MYH9: variants seen among roughly 807,000 people sequenced by gnomAD.
MYH9 encodes the protein myosin heavy chain 9.
In MYH9, 29 loss-of-function variants were observed where a neutral mutation model predicts 241.9. That is an observed-to-expected ratio of 0.12 (90% CI 0.09 to 0.16). The LOEUF is 0.16. Ranked by LOEUF, MYH9 falls within the 10% of genes least tolerant of loss-of-function variation. The pLI is 1.00. For synonymous variants in MYH9, 1,047 were observed against 1,062.6 expected, an observed-to-expected ratio of 0.99 and a Z score of 0.29; for missense variants, 1,803 against 2,595.5, an observed-to-expected ratio of 0.69 and a Z score of 6.63.
In MYH9 at chr22:36,319,520, C is replaced by G. The variant is rs774035987; in HGVS notation, c.1108+20G>C. On this transcript the variant is annotated intron_variant, in intron 10 of 40. Transcript: ENST00000216181. The stretch of plus-strand genomic sequence containing the variant: ...CAAGCACCTGCCCCATTATTTCCAG[C>G]GAGAGGCCCCGGGTGTTACCTGTGT... The G allele has an allele frequency of 4.3e-6, 7 of 1,612,472 alleles. No homozygotes were observed. The African/African-American group carries it at 5.3e-5, about 12-fold the overall frequency.
At chr22:36,312,435 A>C (rs1381396414) in intron 13 of MYH9, among the ~76,000 whole-genome samples, 1 of 152,188 alleles carries the variant, frequency 6.6e-6, no homozygotes, top group Non-Finnish European at 1.5e-5. Context: ...CCAAGGATCC[A>C]TCGCGGTGGT....
chr22:36,315,840 C>A (rs1024363401), intron 12 of MYH9, among the ~76,000 whole-genome samples: 1 of 141,538 alleles, frequency 7.1e-6, no homozygotes, highest in Non-Finnish European at 1.6e-5. Flanking sequence ...ACACATCTAA[C>A]TGAGCCTGGG....
At position 36,320,491 on chromosome 22, in the gene MYH9, G is replaced by C; in HGVS notation, c.869-128C>G. 1 of 1,222,658 alleles carries C rather than the reference G, an allele frequency of 8.2e-7. No individual in the cohort carries two copies. The highest frequency in any genetic ancestry group is 1.2e-6 in the Non-Finnish European group (1 of 846,768). 75.7% of individuals were successfully genotyped at this position (1,222,658 alleles called of 1,614,324 possible). A position where few individuals can be genotyped will look rare whatever the true frequency, so the allele number is the denominator to read the frequency against. Reference sequence around the variant, plus strand: ...GCCCTGACGCACCCTGGAAACCGCAGAGTAGCCAGTGACGTTCAGCTTTCC... The same window carrying C: ...GCCCTGACGCACCCTGGAAACCGCACAGTAGCCAGTGACGTTCAGCTTTCC... On this transcript the variant is annotated intron_variant, in intron 8 of 40. Transcript: ENST00000216181. The surrounding 1 kb of genome is among the most constrained non-coding windows in gnomAD (Gnocchi z 4.8).
intron 1 of MYH9, among the ~76,000 whole-genome samples, chr22:36,368,589 T>C (rs2018045480): frequency 6.6e-6 from 1 of 152,144 alleles, no homozygotes; most frequent in Admixed American, 6.5e-5. Context: ...AAAGCACCAG[T>C]ATCTGTCCTC....
At position 36,300,316 on chromosome 22, in the gene MYH9, A is replaced by G. The variant is rs2016856739; in HGVS notation, c.2839-52T>C. 1 of 1,606,708 alleles carries G rather than the reference A, an allele frequency of 6.2e-7. No homozygotes were observed. The highest frequency in any genetic ancestry group is 8.5e-7 in the Non-Finnish European group (1 of 1,179,724). On this transcript the variant is annotated intron_variant, in intron 22 of 40. Transcript: ENST00000216181. This position sits in a 1 kb window ranked among gnomAD's most constrained non-coding sequence, Gnocchi z 5.0. ...GACAGCAGGCCCAGAGGCATGGCCA[A>G]GGTGAAGGCAGCAAGGTCCGAAGGC...
At chr22:36,312,644 G>A (rs993263052) in intron 13 of MYH9, among the ~76,000 whole-genome samples, 1 of 152,162 alleles carries the variant, frequency 6.6e-6, no homozygotes, top group Non-Finnish European at 1.5e-5. Flanking sequence ...GGATATGTAG[G>A]AGGAGCCCCT....
At chr22:36,315,480 G>C (rs1189488917) in intron 12 of MYH9, among the ~76,000 whole-genome samples, 1 of 152,098 alleles carries the variant, frequency 6.6e-6, no homozygotes, top group Non-Finnish European at 1.5e-5. Context: ...GGGAATATTT[G>C]CTGGAAGAAT....
rs199693307 is a variant in MYH9, at chr22:36,293,347, G to A, written c.4077C>T (p.Ile1359=). Residue 1359 remains isoleucine, a synonymous_variant, in exon 30 of 41, where the codon ATC becomes ATT. Transcript: ENST00000216181. The surrounding 1 kb of genome is among the most constrained non-coding windows in gnomAD (Gnocchi z 5.1). ...TCCAAACCTGGGCATGGAGGGTGGC[G>A]ATCTGCTTCTCCAGGTTGTGCTTGG... ...EEAKHNLEKQ[I]ATLHAQVADM... is the part of the protein sequence containing the mutation. The A allele has an allele frequency of 1.4e-5, 22 of 1,613,920 alleles. No individual in the cohort carries two copies. Among genetic ancestry groups the A allele is most frequent in the Non-Finnish European group, 1.6e-5 (19 of 1,180,040 alleles).
chr22:36,336,548 T>C (rs756696237), intron 3 of MYH9, among the ~76,000 whole-genome samples: 1 of 152,044 alleles, frequency 6.6e-6, no homozygotes, highest in Non-Finnish European at 1.5e-5. Context: ...CATCACAGAG[T>C]TCCGAGGAAC....
At chr22:36,289,802 C>G (rs553971340) in intron 31 of MYH9, among the ~76,000 whole-genome samples, 9 of 152,252 alleles carry the variant, frequency 5.9e-5, no homozygotes, top group Non-Finnish European at 1.2e-4. Context: ...TTCCTTTTGG[C>G]CCAAACCTTA....
At chr22:36,357,182 C>T (rs562990493) in intron 1 of MYH9, among the ~76,000 whole-genome samples, 2 of 152,052 alleles carry the variant, frequency 1.3e-5, no homozygotes, top group Non-Finnish European at 2.9e-5. Flanking sequence ...GCCGTGGGAA[C>T]AAAGAGAAAG....
chr22:36,316,535 G>A lies in MYH9; in HGVS notation c.1362C>T (p.Ala454=), dbSNP rs745353515. ...GASFIGILDI[A]GFEIFDLNSF... ...GGCTCACATCAAAGATCTCGAAGCC[G>A]GCAATGTCCAGGATCCCGATGAAGG... is the stretch of plus-strand genomic sequence containing the variant. Residue 454 remains alanine (A), a synonymous_variant, in exon 12 of 41, where the codon GCC becomes GCT. Transcript: ENST00000216181. 22 of 1,613,974 alleles carry A rather than the reference G, an allele frequency of 1.4e-5. 1 individual carries two copies. The highest frequency in any genetic ancestry group is 4.4e-5 in the South Asian group (4 of 91,088).
At chr22:36,337,609 A>G (rs1165377215) in intron 3 of MYH9, among the ~76,000 whole-genome samples, 1 of 152,264 alleles carries the variant, frequency 6.6e-6, no homozygotes, top group Non-Finnish European at 1.5e-5. Flanking sequence ...GTATGTCATA[A>G]GGCACAGCCA....
At chr22:36,292,324 C>T in intron 30 of MYH9, 90 bp from the exon 31 acceptor site, 1 of 1,568,152 alleles carries the variant, frequency 6.4e-7, no homozygotes, top group East Asian at 2.2e-5. Context: ...GCCTGCCTGC[C>T]ACACCGTGGA....
chr22:36,338,944 G>A (rs1427009134), intron 3 of MYH9, among the ~76,000 whole-genome samples: 6 of 152,140 alleles, frequency 3.9e-5, no homozygotes, highest in East Asian at 1.9e-4. Context: ...ACAGATGTAC[G>A]AGGGTGGCCC....
rs1227471490 is a variant in MYH9, at chr22:36,320,907, A to C, written c.770-11T>G. On this transcript the variant is annotated splice_polypyrimidine_tract_variant and intron_variant, in intron 7 of 40. Coordinates refer to ENST00000216181, the MANE Select transcript of MYH9 (RefSeq NM_002473.6). This position sits in a 1 kb window ranked among gnomAD's most constrained non-coding sequence, Gnocchi z 4.8. ...ATTTCTCCAAAAGATCTTTGCAAAT[A>C]TTAAGGAGCAACACAAGCTGGGGAG... 2 of 1,609,960 alleles carry C rather than the reference A, an allele frequency of 1.2e-6. No homozygotes were observed. Among genetic ancestry groups the C allele is most frequent in the South Asian group, 1.1e-5 (1 of 90,942 alleles).
chr22:36,288,995 G>A lies in MYH9; in HGVS notation c.4558-56C>T, dbSNP rs986985674. ...AAGGGACTGGCAGGTACCTGGGTCT[G>A]CGCGACCCGGAGTCTGTGCACACAC... On this transcript the variant is annotated intron_variant, in intron 32 of 40. Coordinates refer to ENST00000216181, the MANE Select transcript of MYH9 (RefSeq NM_002473.6). This position sits in a 1 kb window ranked among gnomAD's most constrained non-coding sequence, Gnocchi z 4.8. The A allele has an allele frequency of 7.4e-6, 12 of 1,611,942 alleles. No homozygotes were observed. The Admixed American group carries it at 1.5e-4, about 20-fold the overall frequency.
Position 36,305,961 on chromosome 22 carries a change from T to G in MYH9, c.2128A>C (p.Asn710His). The G allele has an allele frequency of 1.2e-6, 2 of 1,613,402 alleles. No individual in the cohort carries two copies. The highest frequency in any genetic ancestry group is 1.7e-6 in the Non-Finnish European group (2 of 1,180,000). The change falls in exon 17 of 41, where the codon AAC becomes CAC. Residue 710 changes from asparagine (N) to histidine (H), a missense_variant. Physicochemically the swap from Asn to His is moderately conservative, Grantham distance 68. Transcript: ENST00000216181. This position sits in a 1 kb window ranked among gnomAD's most constrained non-coding sequence, Gnocchi z 4.7. ...GIRICRQGFP[N>H]RVVFQEFRQR... ...CGAAACTCCTGGAAGACCACCCTGT[T>G]GGGGAAGCCCTGGCGGCAGATACGG...
Position 36,285,733 on chromosome 22 carries a change from C to T in MYH9, c.5199G>A (p.Gln1733=), listed in dbSNP as rs766468427. Residue 1733 remains glutamine (Q), a synonymous_variant, in exon 37 of 41, where the codon CAG becomes CAA. Coordinates refer to ENST00000216181, the MANE Select transcript of MYH9 (RefSeq NM_002473.6). This position sits in a 1 kb window ranked among gnomAD's most constrained non-coding sequence, Gnocchi z 7.0. ...GCTCCTCCTCCAGCTCCTCCTCCAG[C>T]TGGGCGATGCGGGCCTCCAGACGCC... The part of the protein sequence containing the change: ...EKRRLEARIA[Q]LEEELEEEQG... The T allele has an allele frequency of 1.2e-6, 2 of 1,612,790 alleles. No individual in the cohort carries two copies. The highest frequency in any genetic ancestry group is 1.3e-5 in the African/African-American group (1 of 74,920).
Sources: gnomAD v4.1 joint callset for allele counts (sites outside exome capture counted in the v4.1 genomes callset) on GRCh38, gnomAD v4.1.1 for gene constraint, Gnocchi (gnomAD v3.1) non-coding constraint, MANE v1.5 for transcripts, NCBI Gene and HGNC (gene_info 2026-07-23, HGNC 2026-07-21) for gene names.